Variants in CNTN1 observed in about 807,000 individuals in gnomAD.
The protein encoded by CNTN1 is contactin-1.
Under a neutral mutation model 126.4 loss-of-function variants are expected in CNTN1, and 38 were observed. That is an observed-to-expected ratio of 0.30 (90% CI 0.23 to 0.39). The LOEUF (loss-of-function observed/expected upper bound fraction) is 0.39. Among genes scored for constraint, CNTN1 ranks in the 10% least tolerant of loss-of-function variants. The pLI, the probability that CNTN1 is intolerant of heterozygous loss-of-function variation, is 1.00. For synonymous variants in CNTN1, 413 were observed against 422.6 expected (o/e 0.98, Z 0.28); for missense variants, 1,009 against 1,248.4 (o/e 0.81, Z 2.89).
intron 1 of CNTN1, among the ~76,000 whole-genome samples, chr12:40,800,450 C>T (rs561993482): frequency 1.3e-4 from 19 of 151,836 alleles, no homozygotes; most frequent in Non-Finnish European, 2.4e-4. Flanking sequence ...ATGAATAATA[C>T]AAGTTAGGAG....
At chr12:40,908,982 G>T (rs570274751) in intron 2 of CNTN1, among the ~76,000 whole-genome samples, 1 of 152,190 alleles carries the variant, frequency 6.6e-6, no homozygotes, top group Admixed American at 6.5e-5. Flanking sequence ...TTATTCATTT[G>T]TAAATTAATA....
intron 1 of CNTN1, among the ~76,000 whole-genome samples, chr12:40,731,853 C>T (rs1347976185): frequency 1.3e-5 from 2 of 151,958 alleles, no homozygotes; most frequent in Non-Finnish European, 2.9e-5. Flanking sequence ...GTGGTTATCT[C>T]TGACTGGGGC....
intron 1 of CNTN1, among the ~76,000 whole-genome samples, chr12:40,867,304 G>A (rs986386996): frequency 1.1e-4 from 16 of 152,036 alleles, no homozygotes; most frequent in African/African-American, 2.4e-4. Context: ...GGTGGGGCAG[G>A]GGAAAGAAAA....
intron 20 of CNTN1, among the ~76,000 whole-genome samples, chr12:41,022,802 A>G (rs935971466): frequency 1.3e-5 from 2 of 152,230 alleles, no homozygotes; most frequent in African/African-American, 4.8e-5. Flanking sequence ...AATAATTGTC[A>G]TAATCAGATT....
In CNTN1 at chr12:40,726,770, A is replaced by C. The variant is rs550393864; in HGVS notation, c.-77+34178A>C. The stretch of plus-strand genomic sequence containing the variant: ...GTTTTAAAAAACTCTGTTGGAATAG[A>C]AATAGAATGTTTGCCTTCAAAATCA... On this transcript the variant is annotated intron_variant, in intron 1 of 23. Coordinates refer to ENST00000551295, the MANE Select transcript of CNTN1 (RefSeq NM_001843.4). Among the ~76,000 whole-genome samples, 4 of 152,214 alleles carry C rather than the reference A, an allele frequency of 2.6e-5. No homozygotes were observed. The South Asian group carries it at 8.3e-4, about 32-fold the overall frequency.
At chr12:40,720,313 T>C (rs900905251) in intron 1 of CNTN1, among the ~76,000 whole-genome samples, 3 of 152,182 alleles carry the variant, frequency 2.0e-5, no homozygotes, top group Non-Finnish European at 4.4e-5. Context: ...GTTCTAGTTT[T>C]TTTCATTGAC....
chr12:40,890,180 T>G (rs748581959), intron 1 of CNTN1, among the ~76,000 whole-genome samples: 21 of 152,176 alleles, frequency 1.4e-4, no homozygotes, highest in Non-Finnish European at 2.5e-4. Flanking sequence ...TATAATTTTG[T>G]TATTTTTTAA....
At chr12:41,009,394 A>C (rs1309844735) in intron 17 of CNTN1, among the ~76,000 whole-genome samples, 1 of 152,186 alleles carries the variant, frequency 6.6e-6, no homozygotes, top group Non-Finnish European at 1.5e-5. Flanking sequence ...TGGGACCAGT[A>C]GAGCCACTGC....
intron 1 of CNTN1, among the ~76,000 whole-genome samples, chr12:40,715,912 GAGTT>G (rs1298270629): frequency 8.5e-5 from 13 of 152,088 alleles, no homozygotes; most frequent in Non-Finnish European, 1.6e-4. Context: ...CAGACATTCA[GAGTT>G]AGTTAGTTTG....
intron 1 of CNTN1, among the ~76,000 whole-genome samples, chr12:40,854,354 G>A (rs1170251296): frequency 1.3e-5 from 2 of 151,990 alleles, no homozygotes; most frequent in African/African-American, 2.4e-5. Context: ...TTTGAATCCT[G>A]AAGAATAAAG....
At chr12:40,746,884 A>G (rs2136391085) in intron 1 of CNTN1, among the ~76,000 whole-genome samples, 1 of 152,110 alleles carries the variant, frequency 6.6e-6, no homozygotes, top group Admixed American at 6.5e-5. Flanking sequence ...GTCAATCACC[A>G]GGTTCAGGTG....
At chr12:40,781,359 C>A (rs1207226846) in intron 1 of CNTN1, among the ~76,000 whole-genome samples, 1 of 151,984 alleles carries the variant, frequency 6.6e-6, no homozygotes, top group Non-Finnish European at 1.5e-5. Context: ...CTTTGGACAT[C>A]TGTCTTGACC....
At chr12:40,753,483 C>T (rs778306827) in intron 1 of CNTN1, among the ~76,000 whole-genome samples, 1 of 152,098 alleles carries the variant, frequency 6.6e-6, no homozygotes, top group Non-Finnish European at 1.5e-5. Flanking sequence ...GGAGGCCTCA[C>T]AATCATGGCG....
chr12:40,957,199 G>C (rs1451376961), intron 14 of CNTN1, among the ~76,000 whole-genome samples: 2 of 151,898 alleles, frequency 1.3e-5, no homozygotes, highest in Non-Finnish European at 2.9e-5. Context: ...GATATTGTCA[G>C]AATCCAAGTA....
intron 21 of CNTN1, among the ~76,000 whole-genome samples, chr12:41,027,347 T>C (rs1949057239): frequency 6.6e-6 from 1 of 151,948 alleles, no homozygotes; most frequent in Non-Finnish European, 1.5e-5. Flanking sequence ...AAGTCCTAAA[T>C]CATCCAACAG....
chr12:41,044,966 A>T (rs983753714), intron 23 of CNTN1, among the ~76,000 whole-genome samples: 11 of 152,138 alleles, frequency 7.2e-5, no homozygotes, highest in African/African-American at 2.7e-4. Context: ...TGATATATGC[A>T]TGAATAAATT....
At chr12:41,009,752 G>T (rs1008035628) in intron 17 of CNTN1, among the ~76,000 whole-genome samples, 1 of 152,156 alleles carries the variant, frequency 6.6e-6, no homozygotes, top group Admixed American at 6.5e-5. Flanking sequence ...AGTGGATATT[G>T]TTTCTGGTTA....
At chr12:40,905,540 T>G (rs1411923555) in intron 1 of CNTN1, among the ~76,000 whole-genome samples, 13 of 152,174 alleles carry the variant, frequency 8.5e-5, no homozygotes, top group Admixed American at 8.5e-4. Flanking sequence ...TAACAGTTTA[T>G]TATTACACAA....
intron 1 of CNTN1, among the ~76,000 whole-genome samples, chr12:40,806,643 CT>C (rs1260621056): frequency 6.6e-6 from 1 of 152,114 alleles, no homozygotes; most frequent in East Asian, 1.9e-4. Context: ...GTGATTAAAG[CT>C]TTTCTTTTTG....
Sources: allele counts gnomAD v4.1 joint callset (sites outside exome capture counted in the v4.1 genomes callset), GRCh38; gene constraint gnomAD v4.1.1; transcripts MANE v1.5; gene names NCBI Gene and HGNC (gene_info 2026-07-23, HGNC 2026-07-21).